OTOG: variants seen among roughly 807,000 people sequenced by gnomAD.
OTOG encodes the protein otogelin.
In OTOG, 296 loss-of-function variants were observed where a neutral mutation model predicts 313.8. The observed-to-expected ratio is 0.94, with a 90% confidence interval of 0.86 to 1.04. The LOEUF is 1.04. Ranked by LOEUF, OTOG falls within the 50% of genes least tolerant of loss-of-function variation. The pLI, the probability that OTOG is intolerant of heterozygous loss-of-function variation, is 0.00. For missense variants in OTOG, 3,948 were observed against 3,840.1 expected (o/e 1.03, Z -0.74); for synonymous variants, 1,533 against 1,554.9 (o/e 0.99, Z 0.33).
At chr11:17,555,207 ATGTGTG>A (rs57148062) in intron 6 of OTOG, among the ~76,000 whole-genome samples, 4 of 141,158 alleles carry the variant, frequency 2.8e-5, no homozygotes, top group African/African-American at 5.2e-5. Flanking sequence ...GGGGGCAGAG[ATGTGTG>A]TGTGTGTGTG....
chr11:17,591,197 T>C (rs993557173), intron 24 of OTOG, among the ~76,000 whole-genome samples: 3 of 152,176 alleles, frequency 2.0e-5, no homozygotes, highest in African/African-American at 7.2e-5. Flanking sequence ...GTGTAGACTT[T>C]GGAGTTAAAT....
At position 17,552,002 on chromosome 11, in the gene OTOG, G is replaced by A; in HGVS notation, c.219G>A (p.Gln73=). The A allele has an allele frequency of 6.4e-7, 1 of 1,550,454 alleles. No homozygotes were observed. Among genetic ancestry groups the A allele is most frequent in the African/African-American group, 1.4e-5 (1 of 73,152 alleles). Residue 73 remains glutamine, a splice_region_variant and synonymous_variant, in exon 4 of 56, where the codon CAG becomes CAA. Coordinates refer to ENST00000399397, the MANE Select transcript of OTOG (RefSeq NM_001292063.2). ...GDKATVVGGQ[Q]AEAPDSVAMS... is the part of the protein sequence containing the mutation. ...TCTCTTCCTCCTGTCTTCACAAGCA[G>A]GCTGAAGCCCCAGACTCCGTGGCCA...
intron 32 of OTOG, among the ~76,000 whole-genome samples, 151 bp downstream of exon 32, chr11:17,602,528 G>C (rs563927935): frequency 5.9e-5 from 9 of 152,212 alleles, no homozygotes; most frequent in African/African-American, 1.9e-4. Context: ...GTGCTTCTGG[G>C]TCAGCTTCTT....
intron 31 of OTOG, among the ~76,000 whole-genome samples, chr11:17,601,261 G>A (rs1228374629): frequency 1.3e-5 from 2 of 152,134 alleles, no homozygotes; most frequent in African/African-American, 4.8e-5. Context: ...GAGGAGGAGG[G>A]ACAACATTTG....
intron 23 of OTOG, among the ~76,000 whole-genome samples, chr11:17,584,431 T>A (rs903456515): frequency 6.6e-6 from 1 of 152,230 alleles, no homozygotes; most frequent in Non-Finnish European, 1.5e-5. Context: ...TTGCTGTAGT[T>A]TTTTTTGCAA....
chr11:17,604,557 C>G (rs1853335015), intron 32 of OTOG, among the ~76,000 whole-genome samples: 1 of 152,222 alleles, frequency 6.6e-6, no homozygotes, highest in African/African-American at 2.4e-5. Flanking sequence ...GACTCTGGGC[C>G]TCTCTTCCCT....
At chr11:17,578,619 G>A (rs1049016200) in intron 23 of OTOG, 93 bp downstream of exon 23, 7 of 1,412,320 alleles carry the variant, frequency 5.0e-6, no homozygotes, top group African/African-American at 1.4e-5. Flanking sequence ...ACATCACATG[G>A]CCTTGTAGGA....
intron 15 of OTOG, among the ~76,000 whole-genome samples, chr11:17,567,274 A>C (rs1852309784): frequency 6.6e-6 from 1 of 152,150 alleles, no homozygotes; most frequent in Admixed American, 6.5e-5. Flanking sequence ...AATGATTTTG[A>C]GCTGTTTCAG....
In OTOG at chr11:17,557,119, G is replaced by C; in HGVS notation, c.661G>C (p.Val221Leu). Residue 221 changes from valine to leucine, a missense_variant and splice_region_variant, in exon 8 of 56, where the codon GTC becomes CTC. By Grantham distance (32) the Val-to-Leu change is conservative. Coordinates refer to ENST00000399397, the MANE Select transcript of OTOG (RefSeq NM_001292063.2). Reference sequence around the variant, plus strand: ...GAAGCTCTGGGATGTGCCCTGCAGGGTCCAACTGCCACATGTCATGGGGAG... The same window carrying C: ...GAAGCTCTGGGATGTGCCCTGCAGGCTCCAACTGCCACATGTCATGGGGAG... ...AKEVTHGGMR[V>L]QLPHVMGSAR... 1 of 1,549,582 alleles carries C rather than the reference G, an allele frequency of 6.5e-7. No individual in the cohort carries two copies. Among genetic ancestry groups the C allele is most frequent in the Non-Finnish European group, 8.7e-7 (1 of 1,146,978 alleles).
chr11:17,595,940 G>A, intron 28 of OTOG, 98 bp from the exon 29 acceptor site: 1 of 796,046 alleles, frequency 1.3e-6, no homozygotes, highest in Non-Finnish European at 2.1e-6. Context: ...AATATCAGGG[G>A]GCAAGGATCA....
intron 54 of OTOG, among the ~76,000 whole-genome samples, chr11:17,643,784 A>G (rs1848020420): frequency 2.6e-5 from 4 of 152,186 alleles, no homozygotes. Context: ...GGAGGTCAGT[A>G]GCTCACCAGT....
intron 32 of OTOG, among the ~76,000 whole-genome samples, chr11:17,603,061 G>A (rs1853293715): frequency 6.6e-6 from 1 of 152,188 alleles, no homozygotes; most frequent in African/African-American, 2.4e-5. Flanking sequence ...TGAGGGCAAT[G>A]GGGAGCCATG....
At chr11:17,635,462 A>G (rs1172604486) in intron 46 of OTOG, 148 bp from the exon 47 acceptor site, 7 of 676,094 alleles carry the variant, frequency 1.0e-5, no homozygotes, top group Admixed American at 2.3e-5. Flanking sequence ...CTGATTCCAG[A>G]ACGGATCACG....
rs1367979469 is a variant in OTOG at position 17,557,170 on chromosome 11, T to C, written c.712T>C (p.Tyr238His). The C allele has an allele frequency of 3.9e-6, 6 of 1,550,608 alleles. No homozygotes were observed. The highest frequency in any genetic ancestry group is 5.2e-6 in the Non-Finnish European group (6 of 1,146,996). ...GSARLQQLAG[Y>H]VIVRHQSAFT... is the part of the protein sequence containing the mutation. ...CGCGCGTCTGCAGCAGCTTGCCGGC[T>C]ATGTCATCGTGCGGCATCAGTCAGC... The change falls in exon 8 of 56, where the codon TAT (tyrosine) becomes CAT (histidine). Residue 238 changes from tyrosine to histidine, a missense_variant. Tyr to His is a moderately conservative substitution (Grantham distance 83). Coordinates refer to ENST00000399397, the MANE Select transcript of OTOG (RefSeq NM_001292063.2).
intron 39 of OTOG, among the ~76,000 whole-genome samples, chr11:17,622,621 C>T (rs1853891769): frequency 6.6e-6 from 1 of 152,108 alleles, no homozygotes; most frequent in Non-Finnish European, 1.5e-5. Context: ...TCTTTCTGTG[C>T]CTGCTTATTT....
intron 40 of OTOG, 76 bp from the exon 41 acceptor site, chr11:17,631,626 A>G: frequency 1.6e-6 from 2 of 1,213,096 alleles, no homozygotes; most frequent in South Asian, 1.4e-5. Context: ...ACTGTGAGGA[A>G]TACAAAAAGT....
Position 17,604,318 on chromosome 11 carries a change from C to T in OTOG, c.3878-1539C>T, listed in dbSNP as rs149025393. On this transcript the variant is annotated intron_variant, in intron 32 of 55. Transcript: ENST00000399397. ...GAGAAGCCTTGATCCGGGCCAACCC[C>T]GCCTTCTTGAAGGAGGAAGCCAAGG... is the stretch of plus-strand genomic sequence containing the variant. Among the ~76,000 whole-genome samples the T allele has an allele frequency of 7.7e-4, 117 of 152,346 alleles. 1 individual carries two copies. Among genetic ancestry groups the T allele is most frequent in the African/African-American group, 2.5e-3 (106 of 41,574 alleles).
chr11:17,576,584 G>A lies in OTOG; in HGVS notation c.2515G>A (p.Val839Met). ...RNQCSCHFQG[V>M]DYPPGDSDIP... ...CCAGTGCTCCTGCCACTTCCAGGGA[G>A]TGGACTATCCCCCCGGAGACAGTGA... The change falls in exon 21 of 56, where the codon GTG becomes ATG. Residue 839 changes from valine (V) to methionine (M), a missense_variant. By Grantham distance (21) the Val-to-Met change is conservative (BLOSUM62 1). Transcript: ENST00000399397. 6.4e-7 allele frequency: 1 copy of A among 1,550,600 alleles called. No individual in the cohort carries two copies. Among genetic ancestry groups the A allele is most frequent in the South Asian group, 1.2e-5 (1 of 84,062 alleles).
chr11:17,573,358 CCTG>C (rs747836394), intron 19 of OTOG, 68 bp downstream of exon 19: 1 of 1,430,676 alleles, frequency 7.0e-7, no homozygotes, highest in Non-Finnish European at 9.3e-7. Flanking sequence ...GTCCCCTGCC[CCTG>C]AAAGTCTCCA....
Sources: allele counts gnomAD v4.1 joint callset (sites outside exome capture counted in the v4.1 genomes callset), GRCh38; gene constraint gnomAD v4.1.1; transcripts MANE v1.5; gene names NCBI Gene and HGNC (gene_info 2026-07-23, HGNC 2026-07-21).